Variants in C1GALT1 observed in about 807,000 individuals in gnomAD.
C1GALT1 encodes the protein glycoprotein-N-acetylgalactosamine 3-beta-galactosyltransferase 1.
Under a neutral mutation model 31.0 loss-of-function variants are expected in C1GALT1, and 11 were observed. The ratio of observed to expected loss-of-function variants is 0.36; its 90% confidence interval spans 0.22 to 0.59. The LOEUF (loss-of-function observed/expected upper bound fraction) is 0.59, where lower values mean the gene tolerates loss of function less well. C1GALT1 is among the 20% of genes least tolerant of loss of function. C1GALT1 has a pLI of 0.79. For missense variants in C1GALT1, 424 were observed against 425.2 expected (o/e 1.00, Z 0.03); for synonymous variants, 175 against 143.6 (o/e 1.22, Z -1.56).
At chr7:7,171,832 C>T (rs1780456895) in intron 2 of C1GALT1, among the ~76,000 whole-genome samples, 1 of 152,122 alleles carries the variant, frequency 6.6e-6, no homozygotes, top group South Asian at 2.1e-4. Flanking sequence ...TTGATACCAA[C>T]TTAACTTCAA....
chr7:7,174,769 C>A (rs1780487221), intron 2 of C1GALT1, among the ~76,000 whole-genome samples: 1 of 151,880 alleles, frequency 6.6e-6, no homozygotes, highest in Non-Finnish European at 1.5e-5. Flanking sequence ...TATTTTTCAG[C>A]TTCAGAATTT....
chr7:7,237,468 T>A (rs1341267101), intron 2 of C1GALT1, among the ~76,000 whole-genome samples: 9 of 152,234 alleles, frequency 5.9e-5, no homozygotes, highest in African/African-American at 1.9e-4. Context: ...GTTCTGATAG[T>A]AGGCCTTTTT....
intron 1 of C1GALT1, among the ~76,000 whole-genome samples, chr7:7,184,566 A>G (rs1448052227): frequency 6.6e-6 from 1 of 152,242 alleles, no homozygotes; most frequent in African/African-American, 2.4e-5. Flanking sequence ...CACTAGGCAC[A>G]TGCTACTATT....
At chr7:7,186,391 G>A (rs1280711650) in intron 1 of C1GALT1, among the ~76,000 whole-genome samples, 2 of 152,200 alleles carry the variant, frequency 1.3e-5, no homozygotes, top group African/African-American at 4.8e-5. Flanking sequence ...TCCTCATGGA[G>A]CTTACATTCT....
At chr7:7,226,143 A>G (rs1289602063) in intron 1 of C1GALT1, among the ~76,000 whole-genome samples, 2 of 152,230 alleles carry the variant, frequency 1.3e-5, no homozygotes, top group African/African-American at 4.8e-5. Context: ...CCTCACATGT[A>G]CTATATTTGT....
intron 1 of C1GALT1, among the ~76,000 whole-genome samples, chr7:7,196,844 TG>T (rs1185469764): frequency 6.6e-6 from 1 of 152,244 alleles, no homozygotes; most frequent in Non-Finnish European, 1.5e-5. Context: ...ATGTGTTTTT[TG>T]GCTGCATAAA....
intron 2 of C1GALT1, among the ~76,000 whole-genome samples, chr7:7,235,943 C>G (rs976267024): frequency 6.6e-6 from 1 of 152,194 alleles, no homozygotes; most frequent in African/African-American, 2.4e-5. Flanking sequence ...AGGCCTTCAG[C>G]TATACCCATG....
At chr7:7,232,808 C>G (rs990009802) in intron 1 of C1GALT1, among the ~76,000 whole-genome samples, 1 of 152,122 alleles carries the variant, frequency 6.6e-6, no homozygotes, top group Non-Finnish European at 1.5e-5. Context: ...GCTTTTTAAG[C>G]ACACAGACCT....
At position 7,222,731 on chromosome 7, in the gene C1GALT1, T is replaced by G. The variant is rs77050745; in HGVS notation, c.-17-11572T>G. ...TGTTAGGCATTTAGTAATGGCGTTATAGTTTTTAAGAAAATGTTGATATTT... is the reference window on the plus strand; with the variant it reads ...TGTTAGGCATTTAGTAATGGCGTTAGAGTTTTTAAGAAAATGTTGATATTT... On this transcript the variant is annotated intron_variant, in intron 1 of 3. Transcript: ENST00000436587. Among the ~76,000 whole-genome samples the G allele has an allele frequency of 8.0e-3, 1,220 of 152,350 alleles. 15 individuals carry two copies. The highest frequency in any genetic ancestry group is 0.027 in the African/African-American group (1,136 of 41,582).
chr7:7,219,196 A>G (rs1782395305), intron 1 of C1GALT1, among the ~76,000 whole-genome samples: 1 of 152,214 alleles, frequency 6.6e-6, no homozygotes, highest in Admixed American at 6.5e-5. Flanking sequence ...AAGGTTTAAC[A>G]TTACTGTTTT....
In C1GALT1 at chr7:7,247,851, A is replaced by G. The variant is rs1583849536; in HGVS notation, c.*4124A>G. 3 of 152,206 alleles carry G rather than the reference A, an allele frequency of 2.0e-5. No individual in the cohort carries two copies. The highest frequency in any genetic ancestry group is 7.2e-5 in the African/African-American group (3 of 41,564). 9.4% of individuals were successfully genotyped at this position (152,206 alleles called of 1,614,324 possible). ...TCACTTAATTGATAATTTTAAGCCT[A>G]CTAACTAGGGTTCCCTATGAAATTG... On this transcript the variant is annotated 3_prime_UTR_variant, in exon 4 of 4. Transcript: ENST00000436587.
chr7:7,247,488 A>G lies in C1GALT1; in HGVS notation c.*3761A>G, dbSNP rs1783892232. 6.6e-6 allele frequency: 1 copy of G among 152,090 alleles called. No homozygotes were observed. The highest frequency in any genetic ancestry group is 6.6e-5 in the Admixed American group (1 of 15,264). 9.4% of individuals were successfully genotyped at this position (152,090 alleles called of 1,614,324 possible). ...AATAAATCATTGATCAGCTCTTAAT[A>G]TTTTTTGAATACAGAATTGGATTTG... On this transcript the variant is annotated 3_prime_UTR_variant, in exon 4 of 4. Transcript: ENST00000436587.
At chr7:7,171,956 T>C (rs1016617747) in intron 2 of C1GALT1, among the ~76,000 whole-genome samples, 3 of 152,182 alleles carry the variant, frequency 2.0e-5, no homozygotes, top group East Asian at 1.9e-4. Context: ...TTTTTATATA[T>C]GTGTTTGTTA....
At chr7:7,203,372 GGTTTCTCGTGA>G (rs1781600543) in intron 1 of C1GALT1, among the ~76,000 whole-genome samples, 1 of 151,722 alleles carries the variant, frequency 6.6e-6, no homozygotes. Context: ...GTTCACTGTG[GGTTTCTCGTGA>G]GTGTTTATAT....
At chr7:7,191,955 A>C (rs1483597150) in intron 1 of C1GALT1, among the ~76,000 whole-genome samples, 8 of 152,014 alleles carry the variant, frequency 5.3e-5, no homozygotes, top group Non-Finnish European at 1.0e-4. Flanking sequence ...TCTGGTGCAC[A>C]AATTTAAAAA....
chr7:7,203,996 C>G (rs993979286), intron 1 of C1GALT1, among the ~76,000 whole-genome samples: 1 of 151,942 alleles, frequency 6.6e-6, no homozygotes, highest in Non-Finnish European at 1.5e-5. Flanking sequence ...TTTCTACTAT[C>G]CTTTGTTGGT....
At chr7:7,224,238 G>C (rs970008744) in intron 1 of C1GALT1, among the ~76,000 whole-genome samples, 1 of 150,978 alleles carries the variant, frequency 6.6e-6, no homozygotes, top group East Asian at 1.9e-4. Flanking sequence ...CTGTATTTCT[G>C]AGAAGGGTAG....
At chr7:7,172,852 T>C (rs1013281817) in intron 2 of C1GALT1, among the ~76,000 whole-genome samples, 1 of 152,176 alleles carries the variant, frequency 6.6e-6, no homozygotes, top group African/African-American at 2.4e-5. Flanking sequence ...AGTTCACTCA[T>C]GGTGTTATAC....
chr7:7,168,595 A>G (rs770222254), intron 2 of C1GALT1, among the ~76,000 whole-genome samples: 17 of 152,298 alleles, frequency 1.1e-4, no homozygotes, highest in Non-Finnish European at 2.4e-4. Flanking sequence ...AACAGTTACC[A>G]TTTTCGTGGT....
Sources: gnomAD v4.1 joint callset for allele counts (sites outside exome capture counted in the v4.1 genomes callset) on GRCh38, gnomAD v4.1.1 for gene constraint, MANE v1.5 for transcripts, NCBI Gene and HGNC (gene_info 2026-07-23, HGNC 2026-07-21) for gene names.